Variants in PCDH15 observed in about 807,000 individuals in gnomAD.
PCDH15 encodes the protein protocadherin related 15.
In PCDH15, 129 loss-of-function variants were observed where a neutral mutation model predicts 178.5. The observed-to-expected ratio is 0.72, with a 90% confidence interval of 0.63 to 0.84. PCDH15 has a LOEUF of 0.84. PCDH15 is among the 40% of genes least tolerant of loss of function. The pLI is 0.00. For missense variants in PCDH15, 2,230 were observed against 2,099.9 expected, an observed-to-expected ratio of 1.06 and a Z score of -1.21; for synonymous variants, 800 against 732.0, an observed-to-expected ratio of 1.09 and a Z score of -1.50.
At chr10:54,858,187 T>C (rs1411090795) in intron 3 of PCDH15, among the ~76,000 whole-genome samples, 1 of 152,206 alleles carries the variant, frequency 6.6e-6, no homozygotes. Flanking sequence ...GCCTAGCTTG[T>C]TTCACTAAGA....
intron 1 of PCDH15, among the ~76,000 whole-genome samples, chr10:55,173,908 T>C (rs1343739610): frequency 6.6e-6 from 1 of 152,138 alleles, no homozygotes. Flanking sequence ...ATGAAATTGA[T>C]TTTGATGTAA....
intron 3 of PCDH15, among the ~76,000 whole-genome samples, chr10:54,404,001 G>A (rs966576292): frequency 1.1e-4 from 16 of 151,848 alleles, no homozygotes; most frequent in Non-Finnish European, 1.5e-5. Context: ...CCATGCTAGT[G>A]AATAGAAAGT....
chr10:54,013,059 G>A (rs2092638933), intron 20 of PCDH15, among the ~76,000 whole-genome samples: 1 of 152,066 alleles, frequency 6.6e-6, no homozygotes, highest in African/African-American at 2.4e-5. Context: ...TAAAGGTTTG[G>A]AGAAAAGTCC....
At chr10:54,348,181 G>A (rs1158458701) in intron 5 of PCDH15, among the ~76,000 whole-genome samples, 1 of 152,036 alleles carries the variant, frequency 6.6e-6, no homozygotes, top group Non-Finnish European at 1.5e-5. Context: ...AATATAAATA[G>A]GTAAAATAAA....
intron 33 of PCDH15, among the ~76,000 whole-genome samples, chr10:53,819,812 A>G (rs377696640): frequency 6.6e-6 from 1 of 152,024 alleles, no homozygotes; most frequent in African/African-American, 2.4e-5. Flanking sequence ...AAGATATTTT[A>G]ACTGACTTTT....
At chr10:55,478,451 A>G (rs1289291621) in intron 2 of PCDH15, among the ~76,000 whole-genome samples, 1 of 151,730 alleles carries the variant, frequency 6.6e-6, no homozygotes, top group East Asian at 1.9e-4. Flanking sequence ...AGATGAATGA[A>G]AATGGAAACA....
At chr10:54,378,081 G>A (rs1185295854) in intron 4 of PCDH15, among the ~76,000 whole-genome samples, 1 of 151,872 alleles carries the variant, frequency 6.6e-6, no homozygotes, top group East Asian at 2.0e-4. Context: ...GTGTTACCAT[G>A]CCTGCCTAGT....
At chr10:54,854,498 A>T (rs903077642) in intron 3 of PCDH15, among the ~76,000 whole-genome samples, 1 of 152,130 alleles carries the variant, frequency 6.6e-6, no homozygotes, top group African/African-American at 2.4e-5. Flanking sequence ...GAGTGATAAA[A>T]CAGTTGAGAG....
intron 2 of PCDH15, among the ~76,000 whole-genome samples, chr10:55,471,853 A>G (rs1183682843): frequency 6.6e-6 from 1 of 152,128 alleles, no homozygotes; most frequent in East Asian, 1.9e-4. Flanking sequence ...CCTTATATGC[A>G]GGACTATTTT....
intron 1 of PCDH15, among the ~76,000 whole-genome samples, chr10:54,782,806 C>T (rs184560034): frequency 1.3e-5 from 2 of 152,108 alleles, no homozygotes; most frequent in East Asian, 3.9e-4. Flanking sequence ...TCCAGCAAGG[C>T]CTCACCACAG....
At chr10:55,419,882 C>G (rs998243273) in intron 2 of PCDH15, among the ~76,000 whole-genome samples, 4 of 151,614 alleles carry the variant, frequency 2.6e-5, no homozygotes, top group African/African-American at 9.7e-5. Context: ...TAGTAAAAGA[C>G]AAATTAGGAG....
At chr10:55,486,964 C>T (rs1840310438) in intron 2 of PCDH15, among the ~76,000 whole-genome samples, 2 of 151,584 alleles carry the variant, frequency 1.3e-5, no homozygotes, top group Admixed American at 1.3e-4. Flanking sequence ...CCACAAAATG[C>T]CTGTACTTCA....
intron 11 of PCDH15, among the ~76,000 whole-genome samples, chr10:54,189,778 G>A (rs978579286): frequency 1.8e-4 from 27 of 152,018 alleles, no homozygotes; most frequent in Non-Finnish European, 2.8e-4. Context: ...CTGAAAACCT[G>A]GTGGTCTCAG....
intron 1 of PCDH15, among the ~76,000 whole-genome samples, chr10:55,197,870 G>A (rs1388738716): frequency 6.6e-6 from 1 of 152,006 alleles, no homozygotes; most frequent in Non-Finnish European, 1.5e-5. Flanking sequence ...ATATATCAAT[G>A]TTTCATAATT....
chr10:55,373,328 T>C (rs1382439691), intron 2 of PCDH15, among the ~76,000 whole-genome samples: 1 of 152,168 alleles, frequency 6.6e-6, no homozygotes. Flanking sequence ...GGTGAACTAC[T>C]TAGCTGGAAC....
chr10:54,057,204 C>G (rs1246759000), intron 18 of PCDH15, among the ~76,000 whole-genome samples: 3 of 152,306 alleles, frequency 2.0e-5, no homozygotes, highest in Non-Finnish European at 4.4e-5. Context: ...GACAGTGACC[C>G]TCTTTTCACA....
chr10:54,756,542 T>A (rs968862162), intron 1 of PCDH15, among the ~76,000 whole-genome samples: 2 of 152,222 alleles, frequency 1.3e-5, no homozygotes, highest in Non-Finnish European at 2.9e-5. Flanking sequence ...ATGAGTAGAA[T>A]GGGCTCACAC....
In PCDH15 at chr10:53,892,906, T is replaced by A; in HGVS notation, c.3501+10337A>T. 1.3e-5 allele frequency among the ~76,000 whole-genome samples: 2 copies of A among 152,166 alleles called. 1 individual carries two copies. The highest frequency in any genetic ancestry group is 2.9e-5 in the Non-Finnish European group (2 of 68,016). ...TTTTGTAATCATCTGTCTGCATTTG[T>A]GCCACAGAATTTCAAAATGAATGTG... On this transcript the variant is annotated intron_variant, in intron 26 of 37. Coordinates refer to ENST00000644397, the MANE Select transcript of PCDH15 (RefSeq NM_001384140.1).
intron 2 of PCDH15, among the ~76,000 whole-genome samples, chr10:55,412,579 G>A (rs1838365541): frequency 6.6e-6 from 1 of 151,834 alleles, no homozygotes; most frequent in Non-Finnish European, 1.5e-5. Flanking sequence ...GTATTAGGGA[G>A]ATCAAATTAT....
Sources: gnomAD v4.1 joint callset for allele counts (sites outside exome capture counted in the v4.1 genomes callset) on GRCh38, gnomAD v4.1.1 for gene constraint, MANE v1.5 for transcripts, NCBI Gene and HGNC (gene_info 2026-07-23, HGNC 2026-07-21) for gene names.